TMEM132D: variants seen among roughly 807,000 people sequenced by gnomAD.
TMEM132D encodes the protein transmembrane protein 132D, also known as mature OL transmembrane protein.
A neutral mutation model predicts 62.3 loss-of-function variants in TMEM132D; 21 were observed. The observed-to-expected ratio is 0.34, with a 90% CI of 0.24 to 0.49. TMEM132D has a LOEUF of 0.49. Ranked by LOEUF, TMEM132D falls within the 20% of genes least tolerant of loss-of-function variation. The probability of loss-of-function intolerance (pLI) is 0.99; values close to 1 mark genes in which losing one functional copy is unlikely to be tolerated. For missense variants in TMEM132D, 1,346 were observed against 1,402.8 expected (o/e 0.96, Z 0.65); for synonymous variants, 621 against 575.6 (o/e 1.08, Z -1.13).
At chr12:129,478,398 T>C (rs537109073) in intron 3 of TMEM132D, among the ~76,000 whole-genome samples, 20 of 152,332 alleles carry the variant, frequency 1.3e-4, no homozygotes, top group Admixed American at 1.0e-3. Flanking sequence ...TTGGTTCCAT[T>C]ATAACCTTAC....
chr12:129,285,890 A>G (rs1881283265), intron 4 of TMEM132D, among the ~76,000 whole-genome samples: 1 of 152,178 alleles, frequency 6.6e-6, no homozygotes, highest in Non-Finnish European at 1.5e-5. Flanking sequence ...TGAGTCTTCC[A>G]ATCTAGATTT....
intron 3 of TMEM132D, among the ~76,000 whole-genome samples, chr12:129,411,641 C>A (rs370001229): frequency 7.0e-4 from 106 of 152,252 alleles, no homozygotes; most frequent in African/African-American, 2.4e-3. Context: ...AGGTGTAAGC[C>A]CCCATGCCCA....
At chr12:129,321,725 AT>A (rs140494815) in intron 4 of TMEM132D, among the ~76,000 whole-genome samples, 1,803 of 151,880 alleles carry the variant, frequency 0.012, 38 homozygotes, top group African/African-American at 0.041. Flanking sequence ...CGCCCAGCTA[AT>A]TTTTTTGTAT....
chr12:129,152,922 T>G lies in TMEM132D; in HGVS notation c.1443+56598A>C, dbSNP rs1420714579. On this transcript the variant is annotated intron_variant, in intron 5 of 8. Coordinates refer to ENST00000422113, the MANE Select transcript of TMEM132D (RefSeq NM_133448.3). ...CTTTCTCCCTCTTTCTTTCTGTGCT[T>G]TGGGCAGTGTCTCTTAGGAGCTGAG... Among the ~76,000 whole-genome samples, 3 of 152,170 alleles carry G rather than the reference T, an allele frequency of 2.0e-5. No individual in the cohort carries two copies. In the East Asian group the frequency reaches 5.8e-4, roughly 29 times the overall value.
intron 4 of TMEM132D, among the ~76,000 whole-genome samples, chr12:129,276,049 GTT>G (rs1366408046): frequency 6.6e-6 from 1 of 152,054 alleles, no homozygotes; most frequent in East Asian, 1.9e-4. Context: ...TTGTTTGTTT[GTT>G]TGTTTGTTTT....
intron 4 of TMEM132D, among the ~76,000 whole-genome samples, chr12:129,217,903 T>C (rs1039573742): frequency 3.3e-5 from 5 of 152,178 alleles, no homozygotes; most frequent in Non-Finnish European, 7.3e-5. Flanking sequence ...GACATCCATT[T>C]TCCTTTGGGA....
chr12:129,450,860 A>G (rs1457582736), intron 3 of TMEM132D, among the ~76,000 whole-genome samples: 2 of 147,742 alleles, frequency 1.4e-5, no homozygotes, highest in South Asian at 4.3e-4. Context: ...GGGTTCAAGC[A>G]ATTCTCTGCC....
intron 3 of TMEM132D, among the ~76,000 whole-genome samples, chr12:129,441,387 G>A (rs1290548125): frequency 6.6e-6 from 1 of 152,072 alleles, no homozygotes; most frequent in Non-Finnish European, 1.5e-5. Flanking sequence ...GAACTGTTAA[G>A]GCCACTTGTG....
At chr12:129,713,571 C>T (rs1307366157) in intron 1 of TMEM132D, among the ~76,000 whole-genome samples, 1 of 152,168 alleles carries the variant, frequency 6.6e-6, no homozygotes, top group East Asian at 1.9e-4. Context: ...TTGGTCTCAT[C>T]CTCACCTTGT....
intron 1 of TMEM132D, among the ~76,000 whole-genome samples, chr12:129,788,039 C>G (rs1871291217): frequency 6.6e-6 from 1 of 152,192 alleles, no homozygotes; most frequent in African/African-American, 2.4e-5. Context: ...GGCATCCTGG[C>G]CCAACCACTC....
intron 1 of TMEM132D, among the ~76,000 whole-genome samples, chr12:129,874,389 GAC>G (rs1226109977): frequency 6.6e-6 from 1 of 151,932 alleles, no homozygotes; most frequent in Non-Finnish European, 1.5e-5. Context: ...CAGCCTGGGT[GAC>G]AGAGCGAGAC....
chr12:129,198,148 A>G (rs1301307388), intron 5 of TMEM132D, among the ~76,000 whole-genome samples: 1 of 152,236 alleles, frequency 6.6e-6, no homozygotes, highest in African/African-American at 2.4e-5. Flanking sequence ...ATAAAATTAT[A>G]AAAATCATTA....
intron 1 of TMEM132D, among the ~76,000 whole-genome samples, chr12:129,895,497 G>A: frequency 6.6e-6 from 1 of 152,218 alleles, no homozygotes; most frequent in East Asian, 1.9e-4. Context: ...TATGGTTTGT[G>A]CCTCCCTGGT....
At chr12:129,643,085 C>T (rs762130703) in intron 2 of TMEM132D, among the ~76,000 whole-genome samples, 3 of 151,916 alleles carry the variant, frequency 2.0e-5, no homozygotes, top group Admixed American at 6.6e-5. Context: ...CCACCACGCC[C>T]GACTAATTTT....
chr12:129,248,390 C>T (rs1008227748), intron 4 of TMEM132D, among the ~76,000 whole-genome samples: 14 of 152,100 alleles, frequency 9.2e-5, no homozygotes, highest in Admixed American at 6.6e-4. Context: ...AAAAGTAAAA[C>T]AACGGTAACA....
chr12:129,218,736 G>C (rs7958145), intron 4 of TMEM132D, among the ~76,000 whole-genome samples: 52,744 of 152,088 alleles, frequency 0.35, 9,641 homozygotes, highest in East Asian at 0.53. Flanking sequence ...TCTTTAGCAA[G>C]TAGCAATCTC....
chr12:129,289,096 G>A (rs1211539707), intron 4 of TMEM132D, among the ~76,000 whole-genome samples: 1 of 152,048 alleles, frequency 6.6e-6, no homozygotes, highest in African/African-American at 2.4e-5. Context: ...TGCCAGGGAT[G>A]GGGGTATCGG....
chr12:129,545,318 T>C (rs1876702735), intron 2 of TMEM132D, among the ~76,000 whole-genome samples: 1 of 152,234 alleles, frequency 6.6e-6, no homozygotes, highest in African/African-American at 2.4e-5. Context: ...GATCTATGCC[T>C]GTCTTTTGTT....
At chr12:129,836,215 TC>T (rs1481228525) in intron 1 of TMEM132D, among the ~76,000 whole-genome samples, 1 of 152,178 alleles carries the variant, frequency 6.6e-6, no homozygotes. Flanking sequence ...GATGGTTAGA[TC>T]TTACAATCCT....
Sources: gnomAD v4.1 joint callset for allele counts (sites outside exome capture counted in the v4.1 genomes callset) on GRCh38, gnomAD v4.1.1 for gene constraint, MANE v1.5 for transcripts, NCBI Gene and HGNC (gene_info 2026-07-23, HGNC 2026-07-21) for gene names.